The following MBTPS2 variants were observed in gnomAD, a reference collection of about 807,000 sequenced individuals.
The protein encoded by MBTPS2 is membrane-bound transcription factor site-2 protease.
A neutral mutation model predicts 35.4 loss-of-function variants in MBTPS2; 2 were observed. That is an observed-to-expected ratio of 0.06 (90% CI 0.02 to 0.18). The LOEUF is 0.18. Among genes scored for constraint, MBTPS2 ranks in the 10% least tolerant of loss-of-function variants. The pLI is 1.00. For missense variants in MBTPS2, 244 were observed against 386.5 expected (o/e 0.63, Z 3.09); for synonymous variants, 125 against 140.4 (o/e 0.89, Z 0.77).
At chrX:21,851,692 TA>T in intron 4 of MBTPS2, 80 bp downstream of exon 4, 1 of 657,718 alleles carries the variant, frequency 1.5e-6, no homozygotes, top group South Asian at 2.2e-5. Flanking sequence ...TAAAATCTGC[TA>T]TATTTGATAC....
At chrX:21,870,439 A>G (rs980567523) in intron 7 of MBTPS2, 1 of 111,752 alleles carries the variant, frequency 8.9e-6, no homozygotes, top group Non-Finnish European at 1.9e-5. Context: ...GTTAACAACT[A>G]AATATATAAA....
intron 5 of MBTPS2, among the ~76,000 whole-genome samples, chrX:21,863,823 A>C (rs2092936286): frequency 8.9e-6 from 1 of 112,052 alleles, no homozygotes; most frequent in African/African-American, 3.2e-5. Context: ...CCTAGTAGAC[A>C]GCTGAACAGC....
At chrX:21,880,777 G>A in intron 9 of MBTPS2, 120 bp from the exon 10 acceptor site, 1 of 515,120 alleles carries the variant, frequency 1.9e-6, no homozygotes, top group South Asian at 2.6e-5. Context: ...ATATGTTTAG[G>A]AAGGGCTTTC....
At chrX:21,865,243 C>T (rs1426470685) in intron 5 of MBTPS2, among the ~76,000 whole-genome samples, 1 of 109,533 alleles carries the variant, frequency 9.1e-6, no homozygotes, top group Non-Finnish European at 1.9e-5. Context: ...AAGAAAAAGC[C>T]ACTAAACATC....
At chrX:21,856,651 A>T (rs1244625310) in intron 5 of MBTPS2, 1 of 1,209,886 alleles carries the variant, frequency 8.3e-7, no homozygotes, top group Non-Finnish European at 1.1e-6. Context: ...GGCCACAACC[A>T]TCCGCCATTG....
At position 21,853,258 on chromosome X, in the gene MBTPS2, CT is replaced by C. The variant is rs767320497; in HGVS notation, c.543-115del. 3.3e-4 allele frequency: 168 copies of C among 511,786 alleles called. 1 individual carries two copies. The Middle Eastern group carries it at 5.6e-3, about 17-fold the overall frequency. The allele number at this position is 511,786 out of a possible 1,213,427, so 42.2% of individuals were successfully genotyped here. ...TAATTTTTTTGGCTGTTCAGAGAGA[CT>C]TTCTGTTTTTTAAGCAAGAATTCAA... On this transcript the variant is annotated intron_variant, in intron 4 of 10. Coordinates refer to ENST00000379484, the MANE Select transcript of MBTPS2 (RefSeq NM_015884.4).
chrX:21,880,366 A>G (rs1435148857), intron 9 of MBTPS2, among the ~76,000 whole-genome samples: 1 of 111,691 alleles, frequency 9.0e-6, no homozygotes, highest in Non-Finnish European at 1.9e-5. Flanking sequence ...GACTGTAACT[A>G]TGAAATAAAA....
At chrX:21,842,597 C>A (rs189104206) in intron 1 of MBTPS2, among the ~76,000 whole-genome samples, 124 of 111,157 alleles carry the variant, frequency 1.1e-3, no homozygotes, top group African/African-American at 2.2e-3. Flanking sequence ...AATGCCCCCC[C>A]CAAAAGTAAA....
At chrX:21,843,378 C>T in intron 2 of MBTPS2, 60 bp downstream of exon 2, 1 of 1,069,528 alleles carries the variant, frequency 9.3e-7, no homozygotes, top group Non-Finnish European at 1.3e-6. Flanking sequence ...CGACAGACAG[C>T]TTGTTAAATT....
chrX:21,862,897 TAA>T (rs1400321704), intron 5 of MBTPS2, among the ~76,000 whole-genome samples: 5 of 73,708 alleles, frequency 6.8e-5, no homozygotes, highest in African/African-American at 2.5e-4. Flanking sequence ...CACATATATA[TAA>T]ACATATATAA....
At chrX:21,858,655 C>G (rs2092927068) in intron 5 of MBTPS2, 1 of 121,833 alleles carries the variant, frequency 8.2e-6, no homozygotes, top group Admixed American at 9.7e-5. Flanking sequence ...TTTGGGAGGC[C>G]GAGGTGGGTG....
intron 5 of MBTPS2, chrX:21,856,306 T>G: frequency 2.7e-6 from 1 of 372,682 alleles, no homozygotes; most frequent in South Asian, 3.8e-5. Context: ...GCTCGCGCCT[T>G]TCTCTGCAGC....
chrX:21,879,949 CTTT>C (rs60769329), intron 9 of MBTPS2, among the ~76,000 whole-genome samples: 7 of 47,383 alleles, frequency 1.5e-4, no homozygotes, highest in African/African-American at 6.7e-4. Context: ...TTATGTTATT[CTTT>C]TTTTTTTTTT....
chrX:21,869,745 A>G (rs757276830), intron 7 of MBTPS2, 67 bp downstream of exon 7: 51 of 834,511 alleles, frequency 6.1e-5, no homozygotes, highest in Non-Finnish European at 7.2e-5. Flanking sequence ...CTAATCCTTA[A>G]ACCATGTCTA....
Position 21,856,866 on chromosome X carries a change from G to GCATCAA in MBTPS2, c.670+3377_670+3382dup, listed in dbSNP as rs768424915. 81 of 1,209,620 alleles carry GCATCAA rather than the reference G, an allele frequency of 6.7e-5. No homozygotes were observed. The Admixed American group carries it at 1.3e-3, about 19-fold the overall frequency. On this transcript the variant is annotated intron_variant, in intron 5 of 10. Coordinates refer to ENST00000379484, the MANE Select transcript of MBTPS2 (RefSeq NM_015884.4). ...CCTGGCCTCTCTGTCGGCCTCGGCGGCATCAACATCAACATCAACCCAGAG... is the reference window on the plus strand; with the variant it reads ...CCTGGCCTCTCTGTCGGCCTCGGCGGCATCAACATCAACATCAACATCAACCCAGAG...
chrX:21,884,366 T>C lies in MBTPS2; in HGVS notation c.*1711T>C, dbSNP rs2092962447. 1.5e-6 allele frequency: 1 copy of C among 670,122 alleles called. No homozygotes were observed. Among genetic ancestry groups the C allele is most frequent in the Non-Finnish European group, 1.8e-6 (1 of 562,217 alleles). 55.2% of individuals were successfully genotyped at this position (670,122 alleles called of 1,213,427 possible). A position where few individuals can be genotyped will look rare whatever the true frequency, so the allele number is the denominator to read the frequency against. On this transcript the variant is annotated 3_prime_UTR_variant, in exon 11 of 11. Transcript: ENST00000379484. ...CTTGGAGAATGCCATGAAATACTTA[T>C]ATAATTAATTTGATTGCATGAACTA...
At position 21,843,294 on chromosome X, in the gene MBTPS2, G is replaced by A. The variant is rs938412288; in HGVS notation, c.200G>A (p.Arg67Gln). Residue 67 changes from arginine (R) to glutamine (Q), a missense_variant, in exon 2 of 11, where the codon CGG becomes CAG. Transcript: ENST00000379484. ...FNRAFYSWGR[R>Q]KARMLYQWFN... ...CGTGCCTTTTACAGTTGGGGACGGC[G>A]GAAAGCAAGGATGCTTTACCAATGG... 1.6e-5 allele frequency: 19 copies of A among 1,209,598 alleles called. No individual in the cohort carries two copies. Among genetic ancestry groups the A allele is most frequent in the East Asian group, 1.2e-4 (4 of 33,782 alleles).
chrX:21,845,348 T>G lies in MBTPS2; in HGVS notation c.402T>G (p.Ser134=). Residue 134 remains serine, a synonymous_variant, in exon 3 of 11, where the codon TCT becomes TCG. Transcript: ENST00000379484. ...CTTCCTCTTCTTCATCTTCTTCCTCTTCCTCGCTTCACAATGAACAGGTGT... is the reference window on the plus strand; with the variant it reads ...CTTCCTCTTCTTCATCTTCTTCCTCGTCCTCGCTTCACAATGAACAGGTGT... ...SSSSSSSSSS[S]SSLHNEQVLQ... 6 of 1,203,863 alleles carry G rather than the reference T, an allele frequency of 5.0e-6. No homozygotes were observed. Among genetic ancestry groups the G allele is most frequent in the Non-Finnish European group, 5.6e-6 (5 of 888,892 alleles).
chrX:21,845,718 T>G (rs1191186653), intron 3 of MBTPS2, among the ~76,000 whole-genome samples: 1 of 112,556 alleles, frequency 8.9e-6, no homozygotes, highest in African/African-American at 3.2e-5. Context: ...CTCTATAATG[T>G]ATAAGTAAAT....
Sources: allele counts gnomAD v4.1 joint callset (sites outside exome capture counted in the v4.1 genomes callset), GRCh38; gene constraint gnomAD v4.1.1; transcripts MANE v1.5; gene names NCBI Gene and HGNC (gene_info 2026-07-23, HGNC 2026-07-21).